The following GFPT2 variants were observed in gnomAD, a reference collection of about 807,000 sequenced individuals.
The protein encoded by GFPT2 is glutamine--fructose-6-phosphate transaminase 2.
A neutral mutation model predicts 85.6 loss-of-function variants in GFPT2; 62 were observed. The observed-to-expected ratio is 0.72, with a 90% CI of 0.59 to 0.90. The LOEUF is 0.90. GFPT2 is among the 40% of genes least tolerant of loss of function. GFPT2 has a pLI of 0.00. For synonymous variants in GFPT2, 368 were observed against 344.5 expected, an observed-to-expected ratio of 1.07 and a Z score of -0.75; for missense variants, 788 against 893.4, an observed-to-expected ratio of 0.88 and a Z score of 1.50.
chr5:180,324,521 ACAAAC>A (rs1459090472), intron 8 of GFPT2: 16 of 583,736 alleles, frequency 2.7e-5, no homozygotes, highest in Non-Finnish European at 4.8e-5. Flanking sequence ...GCAAACAAAA[ACAAAC>A]CAAAGAAGCA....
intron 1 of GFPT2, among the ~76,000 whole-genome samples, chr5:180,348,367 G>A (rs1212113649): frequency 6.6e-6 from 1 of 152,252 alleles, no homozygotes; most frequent in East Asian, 1.9e-4. Context: ...AGTCCCCTGG[G>A]CCTTGGGCAA....
At chr5:180,353,025 C>G in intron 1 of GFPT2, 186 bp downstream of exon 1, 1 of 421,072 alleles carries the variant, frequency 2.4e-6, no homozygotes, top group Non-Finnish European at 4.0e-6. Context: ...GAGACGGCCA[C>G]TCGGGGAACG....
chr5:180,326,672 T>C (rs1764216459), intron 7 of GFPT2, among the ~76,000 whole-genome samples: 1 of 152,200 alleles, frequency 6.6e-6, no homozygotes, highest in African/African-American at 2.4e-5. Context: ...AGTGGGGAAC[T>C]AGCATAAATA....
At chr5:180,331,617 A>C (rs764624994) in intron 4 of GFPT2, 64 bp from the exon 5 acceptor site, 13 of 970,918 alleles carry the variant, frequency 1.3e-5, no homozygotes, top group Non-Finnish European at 2.2e-5. Flanking sequence ...GTGAAGAGAG[A>C]TGATTTCAAG....
At chr5:180,347,087 G>A (rs1008161163) in intron 1 of GFPT2, among the ~76,000 whole-genome samples, 1 of 152,220 alleles carries the variant, frequency 6.6e-6, no homozygotes, top group Non-Finnish European at 1.5e-5. Context: ...GATGCTGAGC[G>A]CCCAGAGGGG....
At chr5:180,345,243 A>G (rs745957844) in intron 1 of GFPT2, among the ~76,000 whole-genome samples, 17 of 152,278 alleles carry the variant, frequency 1.1e-4, no homozygotes, top group South Asian at 2.1e-4. Context: ...TGGGGAAATA[A>G]TGGTTAAACC....
At chr5:180,327,001 T>C (rs1226696476) in intron 7 of GFPT2, among the ~76,000 whole-genome samples, 10 of 152,310 alleles carry the variant, frequency 6.6e-5, no homozygotes, top group African/African-American at 2.2e-4. Flanking sequence ...ATTCTATGAA[T>C]TGAAGGAATT....
chr5:180,338,931 C>G (rs1161372255), intron 1 of GFPT2, among the ~76,000 whole-genome samples: 14 of 152,204 alleles, frequency 9.2e-5, no homozygotes, highest in Admixed American at 5.2e-4. Context: ...TTAGGACATC[C>G]GGAAGTCCCC....
intron 17 of GFPT2, among the ~76,000 whole-genome samples, chr5:180,303,194 C>T (rs1763713618): frequency 6.7e-6 from 1 of 149,110 alleles, no homozygotes; most frequent in African/African-American, 2.5e-5. Flanking sequence ...GGCGCCACTG[C>T]ACTCCAGCCT....
At chr5:180,313,561 G>C (rs1763939597) in intron 14 of GFPT2, among the ~76,000 whole-genome samples, 1 of 151,674 alleles carries the variant, frequency 6.6e-6, no homozygotes, top group African/African-American at 2.4e-5. Flanking sequence ...CTGCACTCCA[G>C]CCTGGGCGAC....
In GFPT2 at chr5:180,323,295, C is replaced by T. The variant is rs956908777; in HGVS notation, c.794+893G>A. 1.3e-5 allele frequency among the ~76,000 whole-genome samples: 2 copies of T among 152,172 alleles called. No individual in the cohort carries two copies. Among genetic ancestry groups the T allele is most frequent in the African/African-American group, 4.8e-5 (2 of 41,438 alleles). On this transcript the variant is annotated intron_variant, in intron 9 of 18. Transcript: ENST00000253778. The surrounding 1 kb of genome is among the most constrained non-coding windows in gnomAD (Gnocchi z 4.0). ...CTTGACCTCAGCGTTAAGTATGATG[C>T]TGGCTGTGCGTTTAATCAGGCCTCG...
intron 17 of GFPT2, among the ~76,000 whole-genome samples, chr5:180,304,171 G>A (rs1561870576): frequency 6.6e-6 from 1 of 152,142 alleles, no homozygotes. Flanking sequence ...TTCACATCTG[G>A]GGCCCTCAAA....
chr5:180,304,109 G>A (rs1380947610), intron 17 of GFPT2, among the ~76,000 whole-genome samples: 4 of 152,114 alleles, frequency 2.6e-5, no homozygotes, highest in Admixed American at 6.5e-5. Flanking sequence ...GGGAGCTCCC[G>A]GGCGACACAC....
intron 15 of GFPT2, among the ~76,000 whole-genome samples, chr5:180,308,763 T>A (rs10903253): frequency 6.6e-6 from 1 of 152,018 alleles, no homozygotes. Flanking sequence ...CTCTGTGACA[T>A]CGTGAACTGG....
rs143875354 is a variant in GFPT2 at position 180,327,006 on chromosome 5, G to A, written c.596+1271C>T. Among the ~76,000 whole-genome samples, 226 of 152,202 alleles carry A rather than the reference G, an allele frequency of 1.5e-3. 1 individual carries two copies. The highest frequency in any genetic ancestry group is 5.3e-3 in the African/African-American group (222 of 41,532). ...GTATTTTATAATTCTATGAATTGAA[G>A]GAATTAAATTCCAAATGGCAAATTA... On this transcript the variant is annotated intron_variant, in intron 7 of 18. Transcript: ENST00000253778.
chr5:180,330,971 A>G lies in GFPT2; in HGVS notation c.400-137T>C, dbSNP rs1174835518. On this transcript the variant is annotated intron_variant, in intron 5 of 18. Coordinates refer to ENST00000253778, the MANE Select transcript of GFPT2 (RefSeq NM_005110.4). This position sits in a 1 kb window ranked among gnomAD's most constrained non-coding sequence, Gnocchi z 4.4. ...AGGGAAAACCGGGAAGGGGGGAAAAATGTTTGCCAGCATCACAGCCAAATA... is the reference window on the plus strand; with the variant it reads ...AGGGAAAACCGGGAAGGGGGGAAAAGTGTTTGCCAGCATCACAGCCAAATA... 1 of 757,444 alleles carries G rather than the reference A, an allele frequency of 1.3e-6. No individual in the cohort carries two copies. Among genetic ancestry groups the G allele is most frequent in the Non-Finnish European group, 2.1e-6 (1 of 475,086 alleles). 46.9% of individuals were successfully genotyped at this position (757,444 alleles called of 1,614,324 possible). A position where few individuals can be genotyped will look rare whatever the true frequency, so the allele number is the denominator to read the frequency against.
rs538403932 is a variant in GFPT2 at position 180,323,046 on chromosome 5, A to T, written c.794+1142T>A. ...TGAGACAAAATAAATAAATAAATAA[A>T]AATAAAAAAAGAAACATCTATCATA... On this transcript the variant is annotated intron_variant, in intron 9 of 18. Transcript: ENST00000253778. This position sits in a 1 kb window ranked among gnomAD's most constrained non-coding sequence, Gnocchi z 4.0. 6.6e-6 allele frequency among the ~76,000 whole-genome samples: 1 copy of T among 152,252 alleles called. No individual in the cohort carries two copies. The highest frequency in any genetic ancestry group is 1.5e-5 in the Non-Finnish European group (1 of 68,022).
intron 15 of GFPT2, among the ~76,000 whole-genome samples, chr5:180,309,119 A>G (rs1448184872): frequency 1.3e-5 from 2 of 151,758 alleles, no homozygotes; most frequent in East Asian, 3.9e-4. Context: ...TGATCCACCC[A>G]CCTCGGCCTC....
intron 4 of GFPT2, among the ~76,000 whole-genome samples, chr5:180,332,698 C>T (rs138816256): frequency 0.014 from 2,127 of 152,118 alleles, 36 homozygotes; most frequent in Admixed American, 0.03. Flanking sequence ...CCACCACACC[C>T]GGCTAATTTT....
Sources: gnomAD v4.1 joint callset for allele counts (sites outside exome capture counted in the v4.1 genomes callset) on GRCh38, gnomAD v4.1.1 for gene constraint, Gnocchi (gnomAD v3.1) non-coding constraint, MANE v1.5 for transcripts, NCBI Gene and HGNC (gene_info 2026-07-23, HGNC 2026-07-21) for gene names.